The following SLC3A1 variants were observed in gnomAD, a reference collection of about 807,000 sequenced individuals.
The protein encoded by SLC3A1 is solute carrier family 3 member 1.
A neutral mutation model predicts 60.3 loss-of-function variants in SLC3A1; 78 were observed. The observed-to-expected ratio is 1.29, with a 90% CI of 1.08 to 1.56. The LOEUF (loss-of-function observed/expected upper bound fraction) is 1.56. Among genes scored for constraint, SLC3A1 ranks in the 40% most tolerant of loss-of-function variants. SLC3A1 has a pLI of 0.00. For synonymous variants in SLC3A1, 392 were observed against 307.9 expected (o/e 1.27, Z -2.86); for missense variants, 1,172 against 858.9 (o/e 1.36, Z -4.56).
At chr2:44,286,497 A>G (rs1207925712) in intron 4 of SLC3A1, among the ~76,000 whole-genome samples, 10 of 140,662 alleles carry the variant, frequency 7.1e-5, no homozygotes, top group Admixed American at 5.7e-4. Context: ...AGTGAGCTGT[A>G]CGGTGCCTGT....
At chr2:44,315,446 T>G (rs1453022805) in intron 9 of SLC3A1, among the ~76,000 whole-genome samples, 1 of 150,718 alleles carries the variant, frequency 6.6e-6, no homozygotes, top group Non-Finnish European at 1.5e-5. Flanking sequence ...CACAGGAGTT[T>G]GAGACCAGCC....
intron 4 of SLC3A1, among the ~76,000 whole-genome samples, chr2:44,292,231 G>A (rs1272623757): frequency 1.3e-5 from 2 of 152,122 alleles, no homozygotes; most frequent in African/African-American, 4.8e-5. Context: ...GGGAGACCCA[G>A]CTGAGAGGGA....
chr2:44,307,461 A>G (rs1455422921), intron 7 of SLC3A1, among the ~76,000 whole-genome samples: 1 of 152,046 alleles, frequency 6.6e-6, no homozygotes, highest in South Asian at 2.1e-4. Context: ...CCCACCAGCA[A>G]TGTTACGAGG....
chr2:44,321,927 T>A (rs949887377), downstream of SLC3A1: 6 of 1,599,342 alleles, frequency 3.8e-6, no homozygotes, highest in Non-Finnish European at 5.1e-6. Flanking sequence ...GTAGAACAAT[T>A]AGAAGATTGT....
intron 1 of SLC3A1, among the ~76,000 whole-genome samples, chr2:44,278,276 C>T (rs1055773521): frequency 1.3e-5 from 2 of 151,592 alleles, no homozygotes; most frequent in African/African-American, 4.9e-5. Context: ...AACCCCGTCT[C>T]TACTAAAAAA....
At chr2:44,286,504 C>T (rs1350410931) in intron 4 of SLC3A1, among the ~76,000 whole-genome samples, 1 of 109,102 alleles carries the variant, frequency 9.2e-6, no homozygotes, top group Non-Finnish European at 2.2e-5. Context: ...TGTACGGTGC[C>T]TGTGACGGTG....
intron 6 of SLC3A1, among the ~76,000 whole-genome samples, chr2:44,303,404 T>C (rs1672067812): frequency 6.6e-6 from 1 of 151,498 alleles, no homozygotes; most frequent in Non-Finnish European, 1.5e-5. Context: ...TCACCACACC[T>C]AATTTTTGTA....
At chr2:44,276,812 G>C (rs1572786902) in intron 1 of SLC3A1, among the ~76,000 whole-genome samples, 2 of 152,194 alleles carry the variant, frequency 1.3e-5, no homozygotes, top group East Asian at 3.8e-4. Context: ...ACATACTTCA[G>C]AGTAAAATTA....
At chr2:44,282,743 T>C (rs926749889) in intron 3 of SLC3A1, among the ~76,000 whole-genome samples, 2 of 152,094 alleles carry the variant, frequency 1.3e-5, no homozygotes, top group Non-Finnish European at 2.9e-5. Context: ...CCGCAGTCTT[T>C]GCCTCCTGGG....
downstream of SLC3A1, chr2:44,321,715 T>C (rs532141236): frequency 2.8e-5 from 44 of 1,595,020 alleles, no homozygotes; most frequent in East Asian, 9.0e-4. Flanking sequence ...CACCCATAGA[T>C]AGGACATTTG....
At chr2:44,312,406 A>C (rs568880636) in intron 7 of SLC3A1, among the ~76,000 whole-genome samples, 180 bp from the exon 8 acceptor site, 2 of 152,346 alleles carry the variant, frequency 1.3e-5, no homozygotes, top group East Asian at 3.9e-4. Context: ...ATCAGTGGCC[A>C]AGATAATAAA....
intron 1 of SLC3A1, among the ~76,000 whole-genome samples, chr2:44,276,432 T>C (rs1021768950): frequency 2.0e-5 from 3 of 152,092 alleles, no homozygotes; most frequent in Non-Finnish European, 4.4e-5. Context: ...TCAAGTGATA[T>C]CTGTAAAAAG....
intron 1 of SLC3A1, among the ~76,000 whole-genome samples, chr2:44,278,045 T>A (rs564769945): frequency 1.3e-5 from 2 of 152,260 alleles, no homozygotes; most frequent in South Asian, 4.1e-4. Flanking sequence ...TAAGATATAT[T>A]TTGTTGCTGT....
rs200007474 is a variant in SLC3A1, at chr2:44,312,690, C to G, written c.1437C>G (p.Tyr479Ter). ...LFTLPGTPIT[Y>*]YGEEIGMGNI... ...CACTCCCTGGAACTCCTATAACTTACTATGGAGAAGAAATTGGAATGGGAA... is the reference window on the plus strand; with the variant it reads ...CACTCCCTGGAACTCCTATAACTTAGTATGGAGAAGAAATTGGAATGGGAA... Residue 479 changes from tyrosine to a stop codon, truncating the protein, a stop_gained, in exon 8 of 10, where the codon TAC becomes TAG. Coordinates refer to ENST00000260649, the MANE Select transcript of SLC3A1 (RefSeq NM_000341.4). LOFTEE classifies it high-confidence loss of function. 2 of 1,613,042 alleles carry G rather than the reference C, an allele frequency of 1.2e-6. No individual in the cohort carries two copies. Among genetic ancestry groups the G allele is most frequent in the Admixed American group, 1.7e-5 (1 of 59,980 alleles).
intron 6 of SLC3A1, among the ~76,000 whole-genome samples, chr2:44,302,688 C>A (rs550984995): frequency 1.4e-4 from 21 of 152,278 alleles, no homozygotes; most frequent in African/African-American, 5.1e-4. Flanking sequence ...AGAGTGCACA[C>A]CAATAATAAG....
intron 4 of SLC3A1, among the ~76,000 whole-genome samples, chr2:44,287,502 A>T (rs993884036): frequency 6.6e-6 from 1 of 152,208 alleles, no homozygotes; most frequent in Non-Finnish European, 1.5e-5. Flanking sequence ...ATTTTAAATG[A>T]ATGATGCAAC....
chr2:44,312,574 T>G lies in SLC3A1; in HGVS notation c.1333-12T>G, dbSNP rs183158004. On this transcript the variant is annotated splice_polypyrimidine_tract_variant and intron_variant, in intron 7 of 9. Coordinates refer to ENST00000260649, the MANE Select transcript of SLC3A1 (RefSeq NM_000341.4). ...GTATACAGCTGTGTTCTTAAAAATA[T>G]CTGCCTTTCAGATTGGTGGACCAGA... The G allele has an allele frequency of 6.2e-7, 1 of 1,613,698 alleles. No homozygotes were observed. The highest frequency in any genetic ancestry group is 1.3e-5 in the African/African-American group (1 of 75,042).
chr2:44,320,300 G>C lies in SLC3A1; in HGVS notation c.1719G>C (p.Leu573Phe). The C allele has an allele frequency of 1.2e-6, 2 of 1,614,106 alleles. No homozygotes were observed. Among genetic ancestry groups the C allele is most frequent in the Admixed American group, 1.7e-5 (1 of 60,018 alleles). Residue 573 changes from leucine (L) to phenylalanine (F), a missense_variant, in exon 10 of 10, where the codon TTG (leucine) becomes TTC (phenylalanine). Transcript: ENST00000260649. ...TCAACAGGGGCTGGTTTTGCCATTTGAGGAATGACAGCCACTATGTTGTGT... is the reference window on the plus strand; with the variant it reads ...TCAACAGGGGCTGGTTTTGCCATTTCAGGAATGACAGCCACTATGTTGTGT... ...LLLNRGWFCH[L>F]RNDSHYVVYT...
intron 4 of SLC3A1, among the ~76,000 whole-genome samples, chr2:44,295,532 G>A (rs1445504796): frequency 6.6e-6 from 1 of 152,058 alleles, no homozygotes; most frequent in Non-Finnish European, 1.5e-5. Context: ...AGCAAACTTT[G>A]GATTATCTTG....
Sources: gnomAD v4.1 joint callset for allele counts (sites outside exome capture counted in the v4.1 genomes callset) on GRCh38, gnomAD v4.1.1 for gene constraint, MANE v1.5 for transcripts, NCBI Gene and HGNC (gene_info 2026-07-23, HGNC 2026-07-21) for gene names.